TTC29: variants seen among roughly 807,000 people sequenced by gnomAD.
TTC29 encodes tetratricopeptide repeat domain 29, also known as tetratricopeptide repeat protein 29.
A neutral mutation model predicts 58.1 loss-of-function variants in TTC29; 49 were observed. The ratio of observed to expected loss-of-function variants is 0.84; its 90% CI spans 0.67 to 1.07. The LOEUF is 1.07. Among genes scored for constraint, TTC29 ranks in the 50% least tolerant of loss-of-function variants. The pLI is 0.00. For synonymous variants in TTC29, 209 were observed against 196.8 expected (o/e 1.06, Z -0.52); for missense variants, 582 against 555.6 (o/e 1.05, Z -0.48).
intron 6 of TTC29, among the ~76,000 whole-genome samples, chr4:146,883,120 T>A (rs1731744823): frequency 6.6e-6 from 1 of 152,096 alleles, no homozygotes; most frequent in African/African-American, 2.4e-5. Context: ...ACTGTGACTT[T>A]ACTTCTTCAG....
chr4:146,775,775 T>A (rs990889453), intron 11 of TTC29, among the ~76,000 whole-genome samples: 3 of 152,184 alleles, frequency 2.0e-5, no homozygotes, highest in African/African-American at 7.2e-5. Context: ...GTTCTCTGCA[T>A]TTCCTGAATT....
intron 4 of TTC29, among the ~76,000 whole-genome samples, chr4:146,920,461 GA>G (rs1020067765): frequency 3.8e-4 from 57 of 150,884 alleles, no homozygotes; most frequent in African/African-American, 1.1e-3. Flanking sequence ...AATACAAAGG[GA>G]AAAAAATCAC....
At chr4:146,773,012 T>C (rs1039342197) in intron 11 of TTC29, among the ~76,000 whole-genome samples, 2 of 152,184 alleles carry the variant, frequency 1.3e-5, no homozygotes, top group Non-Finnish European at 1.5e-5. Context: ...TTGATTTGAC[T>C]CTCAACTTGG....
intron 8 of TTC29, among the ~76,000 whole-genome samples, chr4:146,843,433 C>G (rs554078853): frequency 6.6e-6 from 1 of 152,238 alleles, no homozygotes; most frequent in African/African-American, 2.4e-5. Flanking sequence ...CACTTTCTCC[C>G]TGAAATCCAT....
At chr4:146,931,095 C>G (rs1735304010) in intron 4 of TTC29, among the ~76,000 whole-genome samples, 1 of 151,922 alleles carries the variant, frequency 6.6e-6, no homozygotes, top group South Asian at 2.1e-4. Flanking sequence ...GTAATGCCAG[C>G]ACTTTGGGAG....
intron 11 of TTC29, among the ~76,000 whole-genome samples, chr4:146,714,590 G>A (rs1382560929): frequency 4.1e-5 from 6 of 146,934 alleles, no homozygotes; most frequent in East Asian, 2.0e-4. Context: ...CTTAAAGTAC[G>A]AAAAGAAAAA....
At chr4:146,768,173 AAGAT>A (rs1747467671) in intron 11 of TTC29, among the ~76,000 whole-genome samples, 1 of 152,068 alleles carries the variant, frequency 6.6e-6, no homozygotes, top group Non-Finnish European at 1.5e-5. Flanking sequence ...ATTAAGTTTG[AAGAT>A]TCAAATAGGA....
chr4:146,743,433 G>A (rs376277197), intron 11 of TTC29, among the ~76,000 whole-genome samples: 1 of 152,166 alleles, frequency 6.6e-6, no homozygotes, highest in South Asian at 2.1e-4. Context: ...AGCAATGTCA[G>A]GTTGAATTAG....
chr4:146,808,954 G>C lies in TTC29; in HGVS notation c.1102-5269C>G, dbSNP rs144573044. On this transcript the variant is annotated intron_variant, in intron 10 of 12. Transcript: ENST00000325106. ...GACAATCCTAAGCAAAAAGAACAAAGCTGGAGGCATCATGCTACCTGACTT... is the reference window on the plus strand; with the variant it reads ...GACAATCCTAAGCAAAAAGAACAAACCTGGAGGCATCATGCTACCTGACTT... Among the ~76,000 whole-genome samples the C allele has an allele frequency of 3.1e-3, 476 of 152,132 alleles. 9 individuals carry two copies. The East Asian group carries it at 0.05, about 16-fold the overall frequency.
At chr4:146,892,035 G>A (rs1267373730) in intron 6 of TTC29, among the ~76,000 whole-genome samples, 2 of 152,078 alleles carry the variant, frequency 1.3e-5, no homozygotes, top group Admixed American at 6.6e-5. Context: ...TTAGATCTGT[G>A]TCCCCTCCCA....
chr4:146,869,170 C>T (rs183426762), intron 7 of TTC29, among the ~76,000 whole-genome samples: 5 of 150,194 alleles, frequency 3.3e-5, no homozygotes, highest in African/African-American at 1.2e-4. Flanking sequence ...TATAGAAATG[C>T]AAAATAGACT....
chr4:146,707,554 A>AG lies in TTC29; in HGVS notation c.1331-4_1331-3insC. The AG allele has an allele frequency of 9.9e-7, 1 of 1,014,950 alleles. No homozygotes were observed. The highest frequency in any genetic ancestry group is 1.9e-5 in the South Asian group (1 of 53,808). 62.9% of individuals were successfully genotyped at this position (1,014,950 alleles called of 1,614,324 possible). ...CACTGTGGATCCTCTAAACTCTTCTAAAAAAAAAATACACAAAGTTAATAG... is the reference window on the plus strand; with the variant it reads ...CACTGTGGATCCTCTAAACTCTTCTAGAAAAAAAAATACACAAAGTTAATAG... On this transcript the variant is annotated splice_region_variant and splice_polypyrimidine_tract_variant and intron_variant, in intron 11 of 12. Coordinates refer to ENST00000325106, the MANE Select transcript of TTC29 (RefSeq NM_031956.4).
chr4:146,863,560 CTG>C (rs1475510022), intron 8 of TTC29, among the ~76,000 whole-genome samples: 1 of 152,174 alleles, frequency 6.6e-6, no homozygotes, highest in Non-Finnish European at 1.5e-5. Context: ...ATGGAACAAA[CTG>C]TGACAAACTA....
intron 11 of TTC29, among the ~76,000 whole-genome samples, chr4:146,755,068 A>G (rs868682185): frequency 3.3e-5 from 5 of 152,184 alleles, no homozygotes; most frequent in African/African-American, 7.2e-5. Flanking sequence ...TCAACATACA[A>G]TATCATAGGA....
At chr4:146,944,243 G>T (rs757559255) in intron 2 of TTC29, 5 of 152,342 alleles carry the variant, frequency 3.3e-5, no homozygotes, top group East Asian at 1.9e-4. Context: ...AGATCAAAAG[G>T]CCGCCTGAAG....
At chr4:146,733,227 G>T (rs922439795) in intron 11 of TTC29, among the ~76,000 whole-genome samples, 2 of 152,102 alleles carry the variant, frequency 1.3e-5, no homozygotes, top group African/African-American at 4.8e-5. Context: ...AATTACTCCT[G>T]ATAGTCACAG....
chr4:146,931,203 T>G (rs1735313113), intron 4 of TTC29, among the ~76,000 whole-genome samples: 1 of 151,954 alleles, frequency 6.6e-6, no homozygotes, highest in Non-Finnish European at 1.5e-5. Context: ...CCCTCACTGA[T>G]TAGTATTATA....
intron 11 of TTC29, among the ~76,000 whole-genome samples, chr4:146,744,311 C>T (rs1745379381): frequency 6.6e-6 from 1 of 151,622 alleles, no homozygotes; most frequent in Non-Finnish European, 1.5e-5. Flanking sequence ...GAGGGAGGAT[C>T]ACTCGAGGCC....
chr4:146,922,238 A>G (rs1734641500), intron 4 of TTC29, among the ~76,000 whole-genome samples: 2 of 149,934 alleles, frequency 1.3e-5, no homozygotes, highest in South Asian at 4.2e-4. Flanking sequence ...TGAAGAAGCT[A>G]GCTTTCAACT....
Sources: gnomAD v4.1 joint callset for allele counts (sites outside exome capture counted in the v4.1 genomes callset) on GRCh38, gnomAD v4.1.1 for gene constraint, MANE v1.5 for transcripts, NCBI Gene and HGNC (gene_info 2026-07-23, HGNC 2026-07-21) for gene names.